The following INHBA variants were observed in gnomAD, a reference collection of about 807,000 sequenced individuals.
INHBA encodes the protein inhibin beta A chain.
In INHBA, 1 loss-of-function variant was observed where a neutral mutation model predicts 29.0. The observed-to-expected ratio is 0.03, with a 90% CI of 0.01 to 0.16. The LOEUF is 0.16. Among genes scored for constraint, INHBA ranks in the 10% least tolerant of loss-of-function variants. The pLI, the probability that INHBA is intolerant of heterozygous loss-of-function variation, is 1.00. For missense variants in INHBA, 376 were observed against 545.4 expected, an observed-to-expected ratio of 0.69 and a Z score of 3.09; for synonymous variants, 242 against 216.8, an observed-to-expected ratio of 1.12 and a Z score of -1.02.
intron 2 of INHBA, among the ~76,000 whole-genome samples, chr7:41,697,744 C>A (rs367913484): frequency 6.6e-6 from 1 of 152,150 alleles, no homozygotes; most frequent in South Asian, 2.1e-4. Context: ...AGACATAGGT[C>A]TTTTCTATTC....
chr7:41,692,758 T>C (rs770442285), intron 2 of INHBA, among the ~76,000 whole-genome samples: 5 of 152,226 alleles, frequency 3.3e-5, no homozygotes, highest in Non-Finnish European at 7.3e-5. Flanking sequence ...GGAAGCATGA[T>C]GACTTATTTT....
intron 2 of INHBA, among the ~76,000 whole-genome samples, chr7:41,691,033 A>T (rs1253183962): frequency 6.6e-6 from 1 of 152,202 alleles, no homozygotes; most frequent in Non-Finnish European, 1.5e-5. Context: ...CCTCAGTTTC[A>T]TCTTCTATAA....
intron 1 of INHBA, among the ~76,000 whole-genome samples, chr7:41,702,631 A>G (rs1296302963): frequency 6.6e-6 from 1 of 152,242 alleles, no homozygotes. Flanking sequence ...AAATACAACC[A>G]AAAGTTTAAT....
chr7:41,705,121 C>T (rs1458659679), upstream of INHBA, among the ~76,000 whole-genome samples: 1 of 152,156 alleles, frequency 6.6e-6, no homozygotes, highest in African/African-American at 2.4e-5. Context: ...ATCAGCTTTT[C>T]CCTGCGGAAC....
Position 41,685,282 on chromosome 7 carries a change from C to T in INHBA, c.*4368G>A, listed in dbSNP as rs903864527. ...AACTTCTGCTATAAACACATGAAAA[C>T]ATATCAAACTGTTATCTCTTTAAAC... On this transcript the variant is annotated 3_prime_UTR_variant, in exon 3 of 3. Coordinates refer to ENST00000242208, the MANE Select transcript of INHBA (RefSeq NM_002192.4). 6.6e-6 allele frequency: 1 copy of T among 151,982 alleles called. No homozygotes were observed. Among genetic ancestry groups the T allele is most frequent in the Non-Finnish European group, 1.5e-5 (1 of 67,926 alleles). The allele number at this position is 151,982 out of a possible 1,614,324, so 9.4% of individuals were successfully genotyped here. A position where few individuals can be genotyped will look rare whatever the true frequency, so the allele number is the denominator to read the frequency against.
At chr7:41,701,746 A>G (rs898836928) in intron 1 of INHBA, among the ~76,000 whole-genome samples, 2 of 152,130 alleles carry the variant, frequency 1.3e-5, no homozygotes, top group Non-Finnish European at 2.9e-5. Flanking sequence ...AACTGGTCCT[A>G]TGGGAAAAGA....
At position 41,690,049 on chromosome 7, in the gene INHBA, C is replaced by T; in HGVS notation, c.882G>A (p.Met294Ile). The T allele has an allele frequency of 1.2e-6, 2 of 1,614,068 alleles. No homozygotes were observed. Among genetic ancestry groups the T allele is most frequent in the Non-Finnish European group, 1.7e-6 (2 of 1,180,024 alleles). ...GGTCTTCAGACTGCCGGGCCTGCAG[C>T]ATGAGGAAAGGTCTGTGCGACTGCT... ...EKEQSHRPFL[M>I]LQARQSEDHP... Residue 294 changes from methionine (M) to isoleucine (I), a missense_variant, in exon 3 of 3, where the codon ATG (methionine) becomes ATA (isoleucine). Physicochemically the swap from Met to Ile is conservative, Grantham distance 10. This residue lies in a region of INHBA where 253 missense variants were observed against 313.4 expected (regional missense o/e 0.81). Coordinates refer to ENST00000242208, the MANE Select transcript of INHBA (RefSeq NM_002192.4).
At chr7:41,704,664 C>A (rs1185593720), upstream of INHBA, among the ~76,000 whole-genome samples, 1 of 99,354 alleles carries the variant, frequency 1.0e-5, no homozygotes, top group African/African-American at 3.9e-5. Flanking sequence ...GTGTAGGTGA[C>A]GTGGGGTGGG....
chr7:41,686,574 A>T lies in INHBA; in HGVS notation c.*3076T>A, dbSNP rs1312182150. 1 of 152,196 alleles carries T rather than the reference A, an allele frequency of 6.6e-6. No homozygotes were observed. Among genetic ancestry groups the T allele is most frequent in the African/African-American group, 2.4e-5 (1 of 41,458 alleles). The allele number at this position is 152,196 out of a possible 1,614,324, so 9.4% of individuals were successfully genotyped here. ...TCAATGTTATCAAAAAATGGTAGCA[A>T]CTTATACTTCTATTTCAAAGCCATA... is the stretch of plus-strand genomic sequence containing the variant. On this transcript the variant is annotated 3_prime_UTR_variant, in exon 3 of 3. Transcript: ENST00000242208.
At chr7:41,699,029 C>T (rs1794711978) in intron 2 of INHBA, among the ~76,000 whole-genome samples, 1 of 152,312 alleles carries the variant, frequency 6.6e-6, no homozygotes, top group Middle Eastern at 3.4e-3. Flanking sequence ...CATGGGCTTG[C>T]AGGCATGCAA....
rs780538034 is a variant in INHBA at position 41,700,029 on chromosome 7, G to A, written c.346C>T (p.Leu116Phe). The A allele has an allele frequency of 3.1e-6, 5 of 1,597,100 alleles. No homozygotes were observed. Among genetic ancestry groups the A allele is most frequent in the Non-Finnish European group, 3.4e-6 (4 of 1,177,490 alleles). ...ATGATCTCCGAGGTCTGCTCCATAAGTTCATTCATTTCTGCCCTCCTTCCA... is the reference window on the plus strand; with the variant it reads ...ATGATCTCCGAGGTCTGCTCCATAAATTCATTCATTTCTGCCCTCCTTCCA... ...DIGRRAEMNE[L>F]MEQTSEIITF... The change falls in exon 2 of 3, where the codon CTT becomes TTT. Residue 116 changes from leucine (L) to phenylalanine (F), a missense_variant. This residue lies in a region of INHBA where 253 missense variants were observed against 313.4 expected (regional missense o/e 0.81). Coordinates refer to ENST00000242208, the MANE Select transcript of INHBA (RefSeq NM_002192.4).
At chr7:41,697,910 T>C (rs1794685439) in intron 2 of INHBA, among the ~76,000 whole-genome samples, 1 of 152,224 alleles carries the variant, frequency 6.6e-6, no homozygotes, top group Admixed American at 6.5e-5. Context: ...CAACTTGAAG[T>C]TGATGTGTGA....
chr7:41,697,702 G>A (rs1371580904), intron 2 of INHBA, among the ~76,000 whole-genome samples: 2 of 152,192 alleles, frequency 1.3e-5, no homozygotes, highest in African/African-American at 4.8e-5. Context: ...TAGTTGGAAT[G>A]TTATTAAAGT....
chr7:41,701,302 G>C (rs1196110089), intron 1 of INHBA, among the ~76,000 whole-genome samples: 1 of 152,136 alleles, frequency 6.6e-6, no homozygotes, highest in Non-Finnish European at 1.5e-5. Context: ...GGGAGGTCCA[G>C]TGGACAGGTA....
rs573607508 is a variant in INHBA at position 41,686,380 on chromosome 7, A to G, written c.*3270T>C. Reference sequence around the variant, plus strand: ...AGTCTTAGAGAAAGAGTGAGGAGATAGTAAGGTTAGATAGAGCCACTGAGT... The same window carrying G: ...AGTCTTAGAGAAAGAGTGAGGAGATGGTAAGGTTAGATAGAGCCACTGAGT... On this transcript the variant is annotated 3_prime_UTR_variant, in exon 3 of 3. Coordinates refer to ENST00000242208, the MANE Select transcript of INHBA (RefSeq NM_002192.4). The G allele has an allele frequency of 3.3e-5, 5 of 152,290 alleles. No homozygotes were observed. The East Asian group carries it at 9.6e-4, about 29-fold the overall frequency. 9.4% of individuals were successfully genotyped at this position (152,290 alleles called of 1,614,324 possible).
At chr7:41,698,941 T>C (rs917000549) in intron 2 of INHBA, among the ~76,000 whole-genome samples, 1 of 152,194 alleles carries the variant, frequency 6.6e-6, no homozygotes, top group African/African-American at 2.4e-5. Context: ...TCAAATGGAG[T>C]TGGCAAAGGA....
chr7:41,693,795 C>T (rs1168338604), intron 2 of INHBA: 4 of 152,246 alleles, frequency 2.6e-5, no homozygotes, highest in South Asian at 4.1e-4. Flanking sequence ...TTTATGCATC[C>T]GTTTAATTAT....
chr7:41,685,858 C>T lies in INHBA; in HGVS notation c.*3792G>A, dbSNP rs1471975265. The T allele has an allele frequency of 6.6e-6, 1 of 152,136 alleles. No individual in the cohort carries two copies. Among genetic ancestry groups the T allele is most frequent in the African/African-American group, 2.4e-5 (1 of 41,444 alleles). 9.4% of individuals were successfully genotyped at this position (152,136 alleles called of 1,614,324 possible). On this transcript the variant is annotated 3_prime_UTR_variant, in exon 3 of 3. Coordinates refer to ENST00000242208, the MANE Select transcript of INHBA (RefSeq NM_002192.4). ...ACACATACAATGTCCACCCCCAAAC[C>T]TTCTGCCCACATCTACAAGTTTTAT...
At chr7:41,694,873 C>T (rs192004631) in intron 2 of INHBA, among the ~76,000 whole-genome samples, 56 of 152,298 alleles carry the variant, frequency 3.7e-4, no homozygotes, top group African/African-American at 1.1e-3. Flanking sequence ...CTCTGAAATG[C>T]TGCTGGGTGG....
Sources: allele counts gnomAD v4.1 joint callset (sites outside exome capture counted in the v4.1 genomes callset), GRCh38; gene constraint gnomAD v4.1.1; regional missense constraint gnomAD v4.1.1; transcripts MANE v1.5; gene names NCBI Gene and HGNC (gene_info 2026-07-23, HGNC 2026-07-21).